The following NRG1 variants were observed in gnomAD, a reference collection of about 807,000 sequenced individuals.
The protein encoded by NRG1 is neuregulin 1.
Under a neutral mutation model 63.8 loss-of-function variants are expected in NRG1, and 18 were observed. The ratio of observed to expected loss-of-function variants is 0.28; its 90% CI spans 0.19 to 0.42. NRG1 has a LOEUF of 0.42. NRG1 is among the 10% of genes least tolerant of loss of function. The probability of loss-of-function intolerance (pLI) is 1.00; values close to 1 mark genes in which losing one functional copy is unlikely to be tolerated. For synonymous variants in NRG1, 302 were observed against 301.3 expected, an observed-to-expected ratio of 1.00 and a Z score of -0.02; for missense variants, 762 against 814.7, an observed-to-expected ratio of 0.94 and a Z score of 0.79.
chr8:32,315,582 G>T (rs772551474), intron 1 of NRG1, among the ~76,000 whole-genome samples: 2 of 152,198 alleles, frequency 1.3e-5, no homozygotes, highest in African/African-American at 2.4e-5. Context: ...TCAGAAAACT[G>T]CCAGTTTTTC....
chr8:32,336,140 A>G (rs1803236409), intron 1 of NRG1, among the ~76,000 whole-genome samples: 1 of 152,264 alleles, frequency 6.6e-6, no homozygotes, highest in African/African-American at 2.4e-5. Context: ...TATGAATGGG[A>G]TAGCCCACAT....
chr8:32,116,868 T>A (rs1295741586), intron 1 of NRG1, among the ~76,000 whole-genome samples: 2 of 149,480 alleles, frequency 1.3e-5, no homozygotes, highest in African/African-American at 5.0e-5. Context: ...CCAGGCCAGG[T>A]GCAGTGGTTT....
At chr8:32,094,748 A>C (rs1031905410) in intron 1 of NRG1, among the ~76,000 whole-genome samples, 1 of 151,974 alleles carries the variant, frequency 6.6e-6, no homozygotes, top group African/African-American at 2.4e-5. Context: ...ACACCTTGAC[A>C]AAGTGTTTCT....
At chr8:31,717,213 C>T (rs1812434849) in intron 1 of NRG1, among the ~76,000 whole-genome samples, 1 of 151,802 alleles carries the variant, frequency 6.6e-6, no homozygotes, top group Non-Finnish European at 1.5e-5. Flanking sequence ...TTGAGACAAG[C>T]CTGGCCAATA....
chr8:31,648,124 C>CTTTTTTTT (rs36074483), intron 1 of NRG1, among the ~76,000 whole-genome samples: 546 of 51,296 alleles, frequency 0.011, 124 homozygotes, highest in African/African-American at 0.048. Flanking sequence ...TTTGACTACT[C>CTTTTTTTT]TTTTTTTTTT....
chr8:32,592,105 G>T (rs1380547013), intron 1 of NRG1, among the ~76,000 whole-genome samples: 1 of 145,144 alleles, frequency 6.9e-6, no homozygotes, highest in African/African-American at 2.5e-5. Flanking sequence ...AAGGCTCCCG[G>T]TTTTTTTTTT....
At chr8:32,654,511 C>T (rs933658020) in intron 5 of NRG1, among the ~76,000 whole-genome samples, 1 of 151,984 alleles carries the variant, frequency 6.6e-6, no homozygotes, top group African/African-American at 2.4e-5. Context: ...TGCCTATAAT[C>T]CCAGCTACTC....
At chr8:32,440,223 T>TC (rs1819362262) in intron 1 of NRG1, among the ~76,000 whole-genome samples, 1 of 152,102 alleles carries the variant, frequency 6.6e-6, no homozygotes, top group Admixed American at 6.6e-5. Flanking sequence ...TTCAATCATC[T>TC]CCCACCAGGC....
intron 1 of NRG1, among the ~76,000 whole-genome samples, chr8:31,765,932 A>G (rs1029086154): frequency 1.3e-5 from 2 of 152,166 alleles, no homozygotes; most frequent in African/African-American, 2.4e-5. Flanking sequence ...TGCTTAGTCA[A>G]TGTAATTGGT....
chr8:32,228,329 C>T (rs893262094), intron 1 of NRG1, among the ~76,000 whole-genome samples: 5 of 152,126 alleles, frequency 3.3e-5, no homozygotes, highest in African/African-American at 4.8e-5. Context: ...TTAGTAACAA[C>T]AACTTCAACT....
intron 1 of NRG1, among the ~76,000 whole-genome samples, chr8:31,829,246 T>C (rs1824873407): frequency 6.6e-6 from 1 of 152,234 alleles, no homozygotes; most frequent in Non-Finnish European, 1.5e-5. Context: ...TCATAGTGTG[T>C]TGTGTACTTG....
intron 1 of NRG1, among the ~76,000 whole-genome samples, chr8:32,336,856 C>G (rs908455893): frequency 6.6e-6 from 1 of 152,082 alleles, no homozygotes; most frequent in African/African-American, 2.4e-5. Context: ...GTGATCCACC[C>G]GCCTCAGCCT....
chr8:31,711,859 A>G lies in NRG1; in HGVS notation c.37+72428A>G, dbSNP rs187774793. ...CCTCACGTAATGGAAGGAGCAAAGAAACCTTCGGGTTCTCTTTTATGAGGG... is the reference window on the plus strand; with the variant it reads ...CCTCACGTAATGGAAGGAGCAAAGAGACCTTCGGGTTCTCTTTTATGAGGG... On this transcript the variant is annotated intron_variant, in intron 1 of 10. Transcript: ENST00000519301. Among the ~76,000 whole-genome samples the G allele has an allele frequency of 6.7e-4, 102 of 152,294 alleles. 1 individual carries two copies. Among genetic ancestry groups the G allele is most frequent in the Admixed American group, 3.7e-3 (57 of 15,304 alleles).
intron 1 of NRG1, among the ~76,000 whole-genome samples, chr8:32,281,606 A>G (rs1251048756): frequency 6.6e-6 from 1 of 152,158 alleles, no homozygotes; most frequent in East Asian, 1.9e-4. Context: ...AAGTGAGAAC[A>G]TGCAGTATTT....
chr8:32,006,244 A>C (rs1563672245), intron 1 of NRG1, among the ~76,000 whole-genome samples: 1 of 152,024 alleles, frequency 6.6e-6, no homozygotes, highest in Non-Finnish European at 1.5e-5. Context: ...ACTATTTATT[A>C]GTTGTAAAAA....
At chr8:32,577,364 G>A (rs1406111398) in intron 1 of NRG1, among the ~76,000 whole-genome samples, 1 of 152,132 alleles carries the variant, frequency 6.6e-6, no homozygotes, top group East Asian at 1.9e-4. Context: ...TATGTATACA[G>A]TTATAGGTTT....
chr8:32,680,073 T>C (rs535335331), intron 5 of NRG1, among the ~76,000 whole-genome samples: 47 of 152,368 alleles, frequency 3.1e-4, no homozygotes, highest in South Asian at 6.2e-4. Flanking sequence ...TGCTTTTAAC[T>C]ATGAATTAAA....
chr8:32,476,187 G>A (rs1175682850), intron 1 of NRG1, among the ~76,000 whole-genome samples: 1 of 152,146 alleles, frequency 6.6e-6, no homozygotes, highest in Non-Finnish European at 1.5e-5. Flanking sequence ...ATCTTTCTGT[G>A]AGATTAAAGA....
intron 1 of NRG1, among the ~76,000 whole-genome samples, chr8:32,076,349 A>C (rs1826545471): frequency 6.6e-6 from 1 of 152,252 alleles, no homozygotes; most frequent in Non-Finnish European, 1.5e-5. Context: ...GCGTATTTCA[A>C]ATGGATAAAT....
Sources: allele counts gnomAD v4.1 joint callset (sites outside exome capture counted in the v4.1 genomes callset), GRCh38; gene constraint gnomAD v4.1.1; transcripts MANE v1.5; gene names NCBI Gene and HGNC (gene_info 2026-07-23, HGNC 2026-07-21).